The following DYRK1A variants were observed in gnomAD, a reference collection of about 807,000 sequenced individuals.
DYRK1A encodes the protein dual specificity tyrosine-phosphorylation-regulated kinase 1A.
Under a neutral mutation model 79.7 loss-of-function variants are expected in DYRK1A, and 9 were observed. The observed-to-expected ratio is 0.11, with a 90% CI of 0.07 to 0.20. The LOEUF is 0.20. Among genes scored for constraint, DYRK1A ranks in the 10% least tolerant of loss-of-function variants. DYRK1A has a pLI of 1.00. For synonymous variants in DYRK1A, 349 were observed against 329.7 expected (o/e 1.06, Z -0.63); for missense variants, 622 against 956.0 (o/e 0.65, Z 4.61).
chr21:37,417,381 A>G (rs2050363740), intron 1 of DYRK1A, among the ~76,000 whole-genome samples: 1 of 151,740 alleles, frequency 6.6e-6, no homozygotes, highest in Non-Finnish European at 1.5e-5. Flanking sequence ...TTTAGTGGAG[A>G]TGGGGTTTCT....
chr21:37,376,605 G>A (rs1363283478), intron 1 of DYRK1A, among the ~76,000 whole-genome samples: 1 of 152,068 alleles, frequency 6.6e-6, no homozygotes, highest in East Asian at 1.9e-4. Flanking sequence ...AGCTTGCTTC[G>A]ATGGCTTCCT....
intron 2 of DYRK1A, 55 bp downstream of exon 2, chr21:37,420,439 A>G: frequency 6.3e-7 from 1 of 1,587,620 alleles, no homozygotes; most frequent in Admixed American, 1.7e-5. Context: ...GTGGGAATCG[A>G]TGGTCTATTT....
chr21:37,431,250 G>A (rs2050767192), intron 2 of DYRK1A, among the ~76,000 whole-genome samples: 1 of 152,160 alleles, frequency 6.6e-6, no homozygotes, highest in Non-Finnish European at 1.5e-5. Flanking sequence ...GGTGGCTGTT[G>A]GCTCCTTCGC....
intron 1 of DYRK1A, among the ~76,000 whole-genome samples, chr21:37,412,118 T>C (rs571683241): frequency 6.6e-6 from 1 of 152,264 alleles, no homozygotes; most frequent in Non-Finnish European, 1.5e-5. Flanking sequence ...TGGAGTGACT[T>C]TAAAGTGGAT....
In DYRK1A at chr21:37,515,632, T is replaced by C. The variant is rs2053872263; in HGVS notation, c.*3101T>C. 1 of 152,200 alleles carries C rather than the reference T, an allele frequency of 6.6e-6. No homozygotes were observed. The highest frequency in any genetic ancestry group is 1.5e-5 in the Non-Finnish European group (1 of 68,032). 9.4% of individuals were successfully genotyped at this position (152,200 alleles called of 1,614,324 possible). On this transcript the variant is annotated 3_prime_UTR_variant, in exon 12 of 12. Coordinates refer to ENST00000647188, the MANE Select transcript of DYRK1A (RefSeq NM_001347721.2). The stretch of plus-strand genomic sequence containing the variant: ...TCAATTGCTAACCTAAAGTCTTCTC[T>C]TTTTACAAATTCACCTGCTTCAGTA...
chr21:37,372,432 G>C lies in DYRK1A; in HGVS notation c.-77+4804G>C, dbSNP rs112214288. 7.5e-3 allele frequency among the ~76,000 whole-genome samples: 1,106 copies of C among 147,820 alleles called. 14 individuals are homozygous for C. Among genetic ancestry groups the C allele is most frequent in the African/African-American group, 0.027 (1,040 of 38,578 alleles). On this transcript the variant is annotated intron_variant, in intron 1 of 11. Coordinates refer to ENST00000647188, the MANE Select transcript of DYRK1A (RefSeq NM_001347721.2). ...TCACTGCACTCCAGCCTGGGTGACAGAGTGGAGCACTGTCTCAAAAAAAAA... is the reference window on the plus strand; with the variant it reads ...TCACTGCACTCCAGCCTGGGTGACACAGTGGAGCACTGTCTCAAAAAAAAA...
At chr21:37,434,136 G>A (rs1295573676) in intron 2 of DYRK1A, among the ~76,000 whole-genome samples, 2 of 152,126 alleles carry the variant, frequency 1.3e-5, no homozygotes, top group Non-Finnish European at 2.9e-5. Context: ...TGTAGTGTTA[G>A]GGATAGGACC....
At chr21:37,446,436 T>C (rs1212842989) in intron 2 of DYRK1A, among the ~76,000 whole-genome samples, 2 of 152,186 alleles carry the variant, frequency 1.3e-5, no homozygotes, top group African/African-American at 4.8e-5. Context: ...CTAAGGTCTG[T>C]GGGGAAAACT....
chr21:37,454,139 C>T (rs1449311318), intron 2 of DYRK1A, among the ~76,000 whole-genome samples: 1 of 121,474 alleles, frequency 8.2e-6, no homozygotes, highest in Non-Finnish European at 1.6e-5. Flanking sequence ...GTTGCCCAGG[C>T]TGTAGTGCAG....
intron 1 of DYRK1A, among the ~76,000 whole-genome samples, chr21:37,382,231 T>C (rs1293429336): frequency 6.6e-6 from 1 of 151,258 alleles, no homozygotes; most frequent in East Asian, 1.9e-4. Flanking sequence ...AAAAAAAAAT[T>C]AAATTTTTTT....
intron 11 of DYRK1A, among the ~76,000 whole-genome samples, chr21:37,510,800 G>T (rs1009633041): frequency 1.3e-5 from 2 of 151,936 alleles, no homozygotes; most frequent in African/African-American, 2.4e-5. Context: ...TGTGTGCCAG[G>T]CTAGCAGTGA....
intron 2 of DYRK1A, among the ~76,000 whole-genome samples, chr21:37,445,456 AAGAC>A (rs1321201875): frequency 1.3e-5 from 2 of 152,340 alleles, no homozygotes; most frequent in African/African-American, 2.4e-5. Context: ...AGTAGTGACT[AAGAC>A]AGAGTCCCTG....
intron 2 of DYRK1A, among the ~76,000 whole-genome samples, chr21:37,427,034 G>A (rs916133310): frequency 3.3e-5 from 5 of 152,076 alleles, no homozygotes; most frequent in Admixed American, 2.0e-4. Flanking sequence ...ACAAATAACA[G>A]GAGGCTCTGA....
chr21:37,453,104 CCT>C (rs1490665614), intron 2 of DYRK1A, among the ~76,000 whole-genome samples: 1 of 151,868 alleles, frequency 6.6e-6, no homozygotes, highest in Non-Finnish European at 1.5e-5. Flanking sequence ...AGGGAGAGAC[CCT>C]GTCTCTTTAA....
chr21:37,430,959 G>A (rs1023019971), intron 2 of DYRK1A, among the ~76,000 whole-genome samples: 10 of 152,040 alleles, frequency 6.6e-5, no homozygotes, highest in African/African-American at 2.4e-4. Flanking sequence ...ACCCAGAATG[G>A]CATCTGCCAC....
chr21:37,417,891 A>G (rs557887100), intron 1 of DYRK1A, among the ~76,000 whole-genome samples: 2 of 152,286 alleles, frequency 1.3e-5, no homozygotes, highest in African/African-American at 4.8e-5. Context: ...TCCTGTGGTA[A>G]AGAGAGATGT....
rs1234772149 is a variant in DYRK1A at position 37,526,332 on chromosome 21, T to G, written c.*13801T>G. 5 of 152,204 alleles carry G rather than the reference T, an allele frequency of 3.3e-5. No individual in the cohort carries two copies. The highest frequency in any genetic ancestry group is 5.9e-5 in the Non-Finnish European group (4 of 68,026). 9.4% of individuals were successfully genotyped at this position (152,204 alleles called of 1,614,324 possible). A position where few individuals can be genotyped will look rare whatever the true frequency, so the allele number is the denominator to read the frequency against. On this transcript the variant is annotated 3_prime_UTR_variant, in exon 12 of 12. Coordinates refer to ENST00000647188, the MANE Select transcript of DYRK1A (RefSeq NM_001347721.2). ...ATCTTATAAAAATGTATAAATGTGT[T>G]TTATGTAATAAATATGCTAAGCTAA...
intron 11 of DYRK1A, among the ~76,000 whole-genome samples, chr21:37,508,067 G>A (rs549440090): frequency 2.0e-5 from 3 of 151,668 alleles, no homozygotes; most frequent in South Asian, 2.1e-4. Context: ...AAATTTGGGG[G>A]CACTCCTCTC....
chr21:37,385,584 A>T (rs746942256), intron 1 of DYRK1A, among the ~76,000 whole-genome samples: 9 of 152,182 alleles, frequency 5.9e-5, no homozygotes, highest in Non-Finnish European at 8.8e-5. Flanking sequence ...TCTCTTGCTT[A>T]AAAACAAGTC....
Sources: allele counts gnomAD v4.1 joint callset (sites outside exome capture counted in the v4.1 genomes callset), GRCh38; gene constraint gnomAD v4.1.1; transcripts MANE v1.5; gene names NCBI Gene and HGNC (gene_info 2026-07-23, HGNC 2026-07-21).